The following ENPP1 variants were observed in gnomAD, a reference collection of about 807,000 sequenced individuals.
ENPP1 encodes the protein ectonucleotide pyrophosphatase/phosphodiesterase 1.
In ENPP1, 73 loss-of-function variants were observed where a neutral mutation model predicts 122.8. The observed-to-expected ratio is 0.59, with a 90% confidence interval of 0.49 to 0.72. ENPP1 has a LOEUF of 0.72. Among genes scored for constraint, ENPP1 ranks in the 30% least tolerant of loss-of-function variants. The probability of loss-of-function intolerance (pLI) is 0.00; values close to 1 mark genes in which losing one functional copy is unlikely to be tolerated. For synonymous variants in ENPP1, 367 were observed against 391.6 expected, an observed-to-expected ratio of 0.94 and a Z score of 0.74; for missense variants, 978 against 1,128.1, an observed-to-expected ratio of 0.87 and a Z score of 1.91.
chr6:131,817,196 A>G (rs1781425465), intron 1 of ENPP1, among the ~76,000 whole-genome samples: 1 of 152,112 alleles, frequency 6.6e-6, no homozygotes, highest in Admixed American at 6.5e-5. Context: ...ACAGATTTTT[A>G]TCACGGACTA....
At position 131,882,475 on chromosome 6, in the gene ENPP1, G is replaced by GT; in HGVS notation, c.2230+2dup. 1.2e-6 allele frequency: 2 copies of GT among 1,603,046 alleles called. No individual in the cohort carries two copies. The highest frequency in any genetic ancestry group is 1.7e-6 in the Non-Finnish European group (2 of 1,173,344). ...AGTTACGGGTTCCTCTCCCCACCAC[G>GT]TAAGTTTTTTCCTCTCCTGACCTTC... On this transcript the variant is annotated splice_donor_variant, in intron 21 of 24. Transcript: ENST00000647893. LOFTEE classifies it high-confidence loss of function.
chr6:131,863,809 G>C (rs1009497911), intron 9 of ENPP1, among the ~76,000 whole-genome samples: 2 of 151,734 alleles, frequency 1.3e-5, no homozygotes, highest in African/African-American at 4.8e-5. Context: ...CCAGCTACTC[G>C]GGAGGCTGAG....
chr6:131,886,823 A>C, intron 24 of ENPP1, 99 bp downstream of exon 24: 1 of 913,006 alleles, frequency 1.1e-6, no homozygotes. Flanking sequence ...AGAAAGCACA[A>C]CTGAGTACAC....
Position 131,808,166 on chromosome 6 carries a change from A to T in ENPP1, c.131A>T (p.Gln44Leu). 1.4e-6 allele frequency: 2 copies of T among 1,460,226 alleles called. No individual in the cohort carries two copies. The highest frequency in any genetic ancestry group is 1.8e-6 in the Non-Finnish European group (2 of 1,102,058). 90.5% of individuals were successfully genotyped at this position (1,460,226 alleles called of 1,614,324 possible). A position where few individuals can be genotyped will look rare whatever the true frequency, so the allele number is the denominator to read the frequency against. Reference protein sequence around the residue: ...SHAAEAPGDPQAAASLLAPMD... With the variant: ...SHAAEAPGDPLAAASLLAPMD... ...GCTGCCGAGGCGCCCGGGGACCCGC[A>T]GGCGGCCGCGTCCTTGCTGGCCCCT... The change falls in exon 1 of 25, where the codon CAG becomes CTG. Residue 44 changes from glutamine to leucine, a missense_variant. Transcript: ENST00000647893.
At chr6:131,836,505 A>C (rs1218216893) in intron 1 of ENPP1, among the ~76,000 whole-genome samples, 1 of 152,054 alleles carries the variant, frequency 6.6e-6, no homozygotes, top group Non-Finnish European at 1.5e-5. Flanking sequence ...TGTTCTCTTT[A>C]TTCACAATTA....
intron 1 of ENPP1, among the ~76,000 whole-genome samples, chr6:131,812,437 C>G (rs1204019825): frequency 1.3e-5 from 2 of 152,146 alleles, no homozygotes; most frequent in Non-Finnish European, 2.9e-5. Flanking sequence ...TTCTATTAAA[C>G]AAAATCTTCC....
At chr6:131,830,160 C>A (rs1413396011) in intron 1 of ENPP1, among the ~76,000 whole-genome samples, 1 of 152,094 alleles carries the variant, frequency 6.6e-6, no homozygotes, top group African/African-American at 2.4e-5. Flanking sequence ...CTGTGAGCTG[C>A]AGTGCTCATT....
intron 15 of ENPP1, 143 bp downstream of exon 15, chr6:131,873,193 G>A (rs1208639641): frequency 3.5e-5 from 35 of 992,020 alleles, no homozygotes; most frequent in Non-Finnish European, 4.8e-5. Context: ...TTCTAATGTC[G>A]GCCTATGGAT....
intron 3 of ENPP1, among the ~76,000 whole-genome samples, chr6:131,850,713 C>T (rs1781870100): frequency 1.3e-5 from 2 of 152,136 alleles, no homozygotes; most frequent in African/African-American, 4.8e-5. Context: ...GAACTACAGG[C>T]TCACACCATT....
At chr6:131,811,424 CTATATCTATATA>C (rs1172634416) in intron 1 of ENPP1, among the ~76,000 whole-genome samples, 7 of 146,958 alleles carry the variant, frequency 4.8e-5, no homozygotes, top group South Asian at 2.1e-4. Context: ...ATATCTATAT[CTATATCTATATA>C]TATGTAGAGA....
intron 1 of ENPP1, among the ~76,000 whole-genome samples, chr6:131,829,617 CA>C (rs1205434879): frequency 2.0e-5 from 3 of 152,092 alleles, no homozygotes; most frequent in Non-Finnish European, 2.9e-5. Context: ...GTAACTTAAT[CA>C]AAATAATTTA....
chr6:131,893,862 T>C lies in ENPP1; in HGVS notation c.*3351T>C, dbSNP rs1346809473. 6.6e-6 allele frequency: 1 copy of C among 151,906 alleles called. No individual in the cohort carries two copies. Among genetic ancestry groups the C allele is most frequent in the East Asian group, 1.9e-4 (1 of 5,174 alleles). The allele number at this position is 151,906 out of a possible 1,614,324, so 9.4% of individuals were successfully genotyped here. A position where few individuals can be genotyped will look rare whatever the true frequency, so the allele number is the denominator to read the frequency against. On this transcript the variant is annotated 3_prime_UTR_variant, in exon 25 of 25. Transcript: ENST00000647893. ...TGAATGGTAAATTCCCATGAACATATATGGAAATGTCTTTATCCTACTTTC... is the reference window on the plus strand; with the variant it reads ...TGAATGGTAAATTCCCATGAACATACATGGAAATGTCTTTATCCTACTTTC...
At chr6:131,842,611 A>AG (rs750462753) in intron 1 of ENPP1, among the ~76,000 whole-genome samples, 8 of 152,118 alleles carry the variant, frequency 5.3e-5, no homozygotes, top group Non-Finnish European at 1.0e-4. Context: ...AGCCTTTTGA[A>AG]ACCCTTTTCT....
At chr6:131,828,099 C>T (rs561309529) in intron 1 of ENPP1, 10 of 609,448 alleles carry the variant, frequency 1.6e-5, no homozygotes, top group Non-Finnish European at 2.9e-5. Context: ...TAACAGACAG[C>T]GTTGATGTAG....
At chr6:131,811,298 G>A (rs1781346610) in intron 1 of ENPP1, among the ~76,000 whole-genome samples, 2 of 151,898 alleles carry the variant, frequency 1.3e-5, no homozygotes, top group South Asian at 4.1e-4. Flanking sequence ...GCTTGCGTAT[G>A]GGTGGTGGTC....
intron 6 of ENPP1, among the ~76,000 whole-genome samples, chr6:131,858,071 A>G (rs901802853): frequency 6.6e-6 from 1 of 152,178 alleles, no homozygotes; most frequent in Non-Finnish European, 1.5e-5. Context: ...TGAACGCTGG[A>G]ATCATTAGTT....
chr6:131,835,960 C>T lies in ENPP1; in HGVS notation c.241-11816C>T, dbSNP rs146151700. On this transcript the variant is annotated intron_variant, in intron 1 of 24. Coordinates refer to ENST00000647893, the MANE Select transcript of ENPP1 (RefSeq NM_006208.3). ...AAGAAAGGTTAAAGGCCCAGATCCC[C>T]TAAGTGACATATGGGCACCACTTAA... Among the ~76,000 whole-genome samples the T allele has an allele frequency of 2.9e-3, 449 of 152,260 alleles. 5 individuals carry two copies. The highest frequency in any genetic ancestry group is 0.01 in the African/African-American group (433 of 41,550).
At chr6:131,886,464 T>C (rs1441414578) in intron 23 of ENPP1, 98 bp from the exon 24 acceptor site, 1 of 889,214 alleles carries the variant, frequency 1.1e-6, no homozygotes, top group Non-Finnish European at 1.8e-6. Context: ...TTGTTTGAAT[T>C]TGATTTTTAT....
intron 1 of ENPP1, chr6:131,828,201 AG>A (rs1399014596): frequency 1.8e-6 from 1 of 571,002 alleles, no homozygotes; most frequent in African/African-American, 1.9e-5. Context: ...GCTGGCTTTC[AG>A]GATGTTCCAA....
Sources: gnomAD v4.1 joint callset for allele counts (sites outside exome capture counted in the v4.1 genomes callset) on GRCh38, gnomAD v4.1.1 for gene constraint, MANE v1.5 for transcripts, NCBI Gene and HGNC (gene_info 2026-07-23, HGNC 2026-07-21) for gene names.